The following RANBP2 variants were observed in gnomAD, a reference collection of about 807,000 sequenced individuals.
RANBP2 encodes the protein RAN binding protein 2.
A neutral mutation model predicts 303.6 loss-of-function variants in RANBP2; 57 were observed. The ratio of observed to expected loss-of-function variants is 0.19; its 90% CI spans 0.15 to 0.23. The LOEUF is 0.23. RANBP2 is among the 10% of genes least tolerant of loss of function. The pLI, the probability that RANBP2 is intolerant of heterozygous loss-of-function variation, is 1.00. For missense variants in RANBP2, 3,138 were observed against 3,780.8 expected (o/e 0.83, Z 4.46); for synonymous variants, 1,167 against 1,301.5 (o/e 0.90, Z 2.23).
chr2:109,668,673 A>G, the RANBP2 span, among the ~76,000 whole-genome samples: 2 of 152,244 alleles, frequency 1.3e-5, no homozygotes, highest in African/African-American at 4.8e-5. Context: ...AGAAAGCAAA[A>G]TGAAGGAAAT....
the RANBP2 span, among the ~76,000 whole-genome samples, chr2:109,500,003 G>A: frequency 0.012 from 1,826 of 152,200 alleles, 67 homozygotes; most frequent in Admixed American, 0.074. Context: ...AGTTACAGAT[G>A]GTGGAAGCGG....
At chr2:109,320,215 C>T in the RANBP2 span, among the ~76,000 whole-genome samples, 1 of 152,188 alleles carries the variant, frequency 6.6e-6, no homozygotes, top group Non-Finnish European at 1.5e-5. Context: ...CTCATTGACT[C>T]TAATTCCATT....
the RANBP2 span, among the ~76,000 whole-genome samples, chr2:109,073,226 A>G: frequency 6.6e-6 from 1 of 152,348 alleles, no homozygotes; most frequent in South Asian, 2.1e-4. Flanking sequence ...AAAAAGTGCC[A>G]AACAGAAATC....
the RANBP2 span, chr2:109,419,502 T>C: frequency 6.5e-7 from 1 of 1,548,094 alleles, no homozygotes; most frequent in South Asian, 1.2e-5. Flanking sequence ...ATGGAGTCTC[T>C]GTCTCCTCAC....
At chr2:108,727,489 G>C (rs998265403) in intron 1 of RANBP2, among the ~76,000 whole-genome samples, 81 of 152,046 alleles carry the variant, frequency 5.3e-4, no homozygotes, top group African/African-American at 1.9e-3. Context: ...AACCTGGTTT[G>C]ATACTATTCA....
the RANBP2 span, chr2:109,542,915 T>C: frequency 1.3e-5 from 2 of 152,550 alleles, no homozygotes; most frequent in African/African-American, 4.8e-5. Flanking sequence ...ATCTCCAAAA[T>C]AATTCAAATA....
the RANBP2 span, among the ~76,000 whole-genome samples, chr2:109,708,350 A>G: frequency 6.6e-6 from 1 of 151,692 alleles, no homozygotes; most frequent in Admixed American, 6.6e-5. Flanking sequence ...ACAGAGCAAG[A>G]TCCTGTCTCT....
At chr2:109,325,335 T>TTTC in the RANBP2 span, among the ~76,000 whole-genome samples, 1 of 37,136 alleles carries the variant, frequency 2.7e-5, no homozygotes, top group African/African-American at 6.0e-5. Flanking sequence ...TTCTTTCTTT[T>TTTC]TTTTTTTTTT....
At chr2:109,516,985 G>T in the RANBP2 span, among the ~76,000 whole-genome samples, 2 of 152,144 alleles carry the variant, frequency 1.3e-5, no homozygotes, top group Non-Finnish European at 2.9e-5. Context: ...CCAGTGTACA[G>T]TTCGGGTAAG....
the RANBP2 span, among the ~76,000 whole-genome samples, chr2:109,031,304 G>C: frequency 6.6e-6 from 1 of 152,182 alleles, no homozygotes; most frequent in Admixed American, 6.5e-5. Context: ...AGCACAGATG[G>C]GGGCTCTGAT....
At position 108,772,486 on chromosome 2, in the gene RANBP2, A is replaced by G. The variant is rs746921375; in HGVS notation, c.8021-3A>G. On this transcript the variant is annotated splice_region_variant and splice_polypyrimidine_tract_variant and intron_variant, in intron 21 of 28. Transcript: ENST00000283195. ...AAATTCTTTTAATCAATTGTATTTT[A>G]AGATGAAGATTTCGAAACAGCTGTC... 2 of 1,611,256 alleles carry G rather than the reference A, an allele frequency of 1.2e-6. No homozygotes were observed. The highest frequency in any genetic ancestry group is 1.7e-6 in the Non-Finnish European group (2 of 1,177,614).
the RANBP2 span, among the ~76,000 whole-genome samples, chr2:109,215,968 C>A: frequency 1.3e-5 from 2 of 152,340 alleles, no homozygotes; most frequent in African/African-American, 4.8e-5. Flanking sequence ...TGCCCATGTC[C>A]CATGGCTTGT....
intron 22 of RANBP2, 138 bp from the exon 23 acceptor site, chr2:108,772,730 T>C (rs1390473793): frequency 6.6e-6 from 8 of 1,216,310 alleles, no homozygotes; most frequent in African/African-American, 1.5e-5. Flanking sequence ...AAATATTCTT[T>C]TCTGGGTGGT....
the RANBP2 span, among the ~76,000 whole-genome samples, chr2:109,377,792 C>T: frequency 6.6e-6 from 1 of 152,196 alleles, no homozygotes; most frequent in African/African-American, 2.4e-5. Context: ...AGCTCAGTTC[C>T]TCCTGCTCCT....
the RANBP2 span, among the ~76,000 whole-genome samples, chr2:109,706,397 G>A: frequency 6.6e-6 from 1 of 152,160 alleles, no homozygotes; most frequent in Non-Finnish European, 1.5e-5. Context: ...CTGCCCTAGG[G>A]CCTCTGCACT....
the RANBP2 span, among the ~76,000 whole-genome samples, chr2:108,839,566 C>T: frequency 1.3e-5 from 2 of 152,028 alleles, no homozygotes; most frequent in Non-Finnish European, 2.9e-5. Flanking sequence ...ATCAGTGTTG[C>T]ATAGTTTTCA....
the RANBP2 span, among the ~76,000 whole-genome samples, chr2:109,522,007 GAC>G: frequency 0.018 from 2,715 of 152,242 alleles, 74 homozygotes; most frequent in African/African-American, 0.061. Flanking sequence ...ACTTACATGG[GAC>G]AGCTGTCACT....
At chr2:109,717,701 G>A in the RANBP2 span, among the ~76,000 whole-genome samples, 1 of 152,084 alleles carries the variant, frequency 6.6e-6, no homozygotes, top group East Asian at 1.9e-4. Flanking sequence ...ATCAATTGAG[G>A]CCAGGAGTTC....
the RANBP2 span, among the ~76,000 whole-genome samples, chr2:109,167,661 TC>T: frequency 2.6e-5 from 4 of 152,182 alleles, no homozygotes; most frequent in Non-Finnish European, 5.9e-5. Flanking sequence ...AACCTCAGCT[TC>T]CTGGGTTCAA....
Sources: gnomAD v4.1 joint callset for allele counts (sites outside exome capture counted in the v4.1 genomes callset) on GRCh38, gnomAD v4.1.1 for gene constraint, MANE v1.5 for transcripts, NCBI Gene and HGNC (gene_info 2026-07-23, HGNC 2026-07-21) for gene names.